The following KCNH8 variants were observed in gnomAD, a reference collection of about 807,000 sequenced individuals.
The protein encoded by KCNH8 is voltage-gated delayed rectifier potassium channel KCNH8.
In KCNH8, 70 loss-of-function variants were observed where a neutral mutation model predicts 103.6. The ratio of observed to expected loss-of-function variants is 0.68; its 90% confidence interval spans 0.56 to 0.82. The LOEUF is 0.82. Among genes scored for constraint, KCNH8 ranks in the 40% least tolerant of loss-of-function variants. The pLI is 0.00. For synonymous variants in KCNH8, 498 were observed against 489.4 expected, an observed-to-expected ratio of 1.02 and a Z score of -0.23; for missense variants, 1,217 against 1,329.9, an observed-to-expected ratio of 0.92 and a Z score of 1.32.
chr3:19,154,119 T>A (rs1421660785), intron 1 of KCNH8, among the ~76,000 whole-genome samples: 1 of 152,188 alleles, frequency 6.6e-6, no homozygotes, highest in Non-Finnish European at 1.5e-5. Context: ...TATGCACATT[T>A]GGGTGAGGGA....
chr3:19,507,829 C>T (rs2125238966), intron 11 of KCNH8, among the ~76,000 whole-genome samples: 1 of 152,276 alleles, frequency 6.6e-6, no homozygotes, highest in East Asian at 1.9e-4. Context: ...GCAAGGGCTG[C>T]AAGACAGCAA....
chr3:19,202,841 G>T lies in KCNH8; in HGVS notation c.77-50813G>T, dbSNP rs753545249. Among the ~76,000 whole-genome samples the T allele has an allele frequency of 2.0e-5, 3 of 152,092 alleles. 1 individual carries two copies. Among genetic ancestry groups the T allele is most frequent in the Non-Finnish European group, 4.4e-5 (3 of 68,022 alleles). On this transcript the variant is annotated intron_variant, in intron 1 of 15. Coordinates refer to ENST00000328405, the MANE Select transcript of KCNH8 (RefSeq NM_144633.3). The stretch of plus-strand genomic sequence containing the variant: ...ACTAAATTTATAGTTATTAAAAAAT[G>T]TTGATGATAACATGTAATGTGCACA...
At chr3:19,513,577 C>G (rs1162704542) in intron 13 of KCNH8, among the ~76,000 whole-genome samples, 1 of 152,092 alleles carries the variant, frequency 6.6e-6, no homozygotes, top group Non-Finnish European at 1.5e-5. Context: ...TCATTTTGCA[C>G]TACCTATTAT....
intron 1 of KCNH8, among the ~76,000 whole-genome samples, chr3:19,195,594 C>T (rs1055668971): frequency 1.3e-5 from 2 of 151,776 alleles, no homozygotes; most frequent in African/African-American, 4.8e-5. Context: ...GAATTTGGCC[C>T]TGTGTATAGG....
chr3:19,308,837 T>C (rs1025665780), intron 3 of KCNH8, among the ~76,000 whole-genome samples: 1 of 146,424 alleles, frequency 6.8e-6, no homozygotes, highest in African/African-American at 2.5e-5. Flanking sequence ...CCCTCCTCCT[T>C]CTCCCTCTTT....
In KCNH8 at chr3:19,381,106, G is replaced by C. The variant is rs374902853; in HGVS notation, c.812-9375G>C. Among the ~76,000 whole-genome samples the C allele has an allele frequency of 2.0e-5, 3 of 151,884 alleles. No homozygotes were observed. The East Asian group carries it at 5.8e-4, about 29-fold the overall frequency. On this transcript the variant is annotated intron_variant, in intron 5 of 15. Coordinates refer to ENST00000328405, the MANE Select transcript of KCNH8 (RefSeq NM_144633.3). ...AAGTCAAATATATTAGTTATGTTTTGAGTGTTCTTAAGAGTCCTTAAAAAT... is the reference window on the plus strand; with the variant it reads ...AAGTCAAATATATTAGTTATGTTTTCAGTGTTCTTAAGAGTCCTTAAAAAT...
At chr3:19,206,942 G>C (rs2063722873) in intron 1 of KCNH8, among the ~76,000 whole-genome samples, 1 of 152,036 alleles carries the variant, frequency 6.6e-6, no homozygotes, top group Admixed American at 6.6e-5. Context: ...GGAGACTGGA[G>C]GAAATCACGG....
At chr3:19,477,525 A>G (rs1234860109) in intron 11 of KCNH8, among the ~76,000 whole-genome samples, 2 of 151,930 alleles carry the variant, frequency 1.3e-5, no homozygotes, top group Admixed American at 6.6e-5. Context: ...CAGGCTCCAA[A>G]TGCTTTCTCT....
intron 1 of KCNH8, among the ~76,000 whole-genome samples, chr3:19,227,869 A>G (rs1431072953): frequency 3.3e-5 from 5 of 152,196 alleles, no homozygotes; most frequent in Non-Finnish European, 5.9e-5. Flanking sequence ...ATGCCTGTGA[A>G]AAGATGTTTC....
At chr3:19,532,201 C>T (rs149863304) in intron 15 of KCNH8, among the ~76,000 whole-genome samples, 2 of 152,148 alleles carry the variant, frequency 1.3e-5, no homozygotes, top group Admixed American at 6.5e-5. Context: ...AATGAAGACT[C>T]TTCAATGGTT....
chr3:19,347,583 T>C, intron 4 of KCNH8, 142 bp from the exon 5 acceptor site: 1 of 939,686 alleles, frequency 1.1e-6, no homozygotes, highest in Non-Finnish European at 1.6e-6. Flanking sequence ...ATGCTTTGCG[T>C]CACCAACTTT....
At chr3:19,216,853 C>T (rs1215382954) in intron 1 of KCNH8, among the ~76,000 whole-genome samples, 1 of 152,202 alleles carries the variant, frequency 6.6e-6, no homozygotes, top group African/African-American at 2.4e-5. Context: ...AGTATGGCAA[C>T]AGGCCAGATC....
At chr3:19,207,082 G>T (rs998282805) in intron 1 of KCNH8, among the ~76,000 whole-genome samples, 4 of 151,950 alleles carry the variant, frequency 2.6e-5, no homozygotes, top group African/African-American at 7.2e-5. Flanking sequence ...TTTGGGTGTT[G>T]TTAGTAAAAA....
chr3:19,415,012 T>A (rs1451422166), intron 7 of KCNH8, among the ~76,000 whole-genome samples: 3 of 152,034 alleles, frequency 2.0e-5, no homozygotes, highest in African/African-American at 7.2e-5. Flanking sequence ...ACTTGCTCCC[T>A]CTTTCTCTCC....
chr3:19,496,181 T>G (rs1291077854), intron 11 of KCNH8, among the ~76,000 whole-genome samples: 1 of 152,116 alleles, frequency 6.6e-6, no homozygotes, highest in Non-Finnish European at 1.5e-5. Flanking sequence ...TTGGATGCCT[T>G]TTATTTCTTT....
intron 2 of KCNH8, among the ~76,000 whole-genome samples, chr3:19,276,398 T>A (rs1467098622): frequency 6.6e-6 from 1 of 152,104 alleles, no homozygotes; most frequent in Non-Finnish European, 1.5e-5. Context: ...GGATATTATG[T>A]TATTGTTGCT....
rs2067230571 is a variant in KCNH8 at position 19,438,290 on chromosome 3, T to C, written c.1304T>C (p.Val435Ala). ...LYFTLSSLTS[V>A]GFGNVSANTD... The stretch of plus-strand genomic sequence containing the variant: ...TTCACGCTGAGCAGCCTCACCAGCG[T>C]GGGTTTTGGGAACGTCTCTGCTAAT... The change falls in exon 8 of 16, where the codon GTG becomes GCG. Residue 435 changes from valine (V) to alanine (A), a missense_variant. Val to Ala is a moderately conservative substitution (Grantham distance 64). Around this residue, in one of 3 missense-constraint regions of KCNH8, gnomAD observed 415 missense variants for 577.4 expected, o/e 0.72. Transcript: ENST00000328405. 6.2e-7 allele frequency: 1 copy of C among 1,613,906 alleles called. No individual in the cohort carries two copies. The highest frequency in any genetic ancestry group is 1.3e-5 in the African/African-American group (1 of 74,882).
intron 11 of KCNH8, among the ~76,000 whole-genome samples, chr3:19,494,717 T>G (rs2068399780): frequency 6.6e-6 from 1 of 151,932 alleles, no homozygotes; most frequent in Non-Finnish European, 1.5e-5. Context: ...GCTATATACC[T>G]GGTAATGGGA....
At position 19,450,311 on chromosome 3, in the gene KCNH8, G is replaced by A. The variant is rs1446586335; in HGVS notation, c.1575+6G>A. The A allele has an allele frequency of 6.2e-7, 1 of 1,600,792 alleles. No homozygotes were observed. Among genetic ancestry groups the A allele is most frequent in the Non-Finnish European group, 8.6e-7 (1 of 1,168,158 alleles). The stretch of plus-strand genomic sequence containing the variant: ...ATGGAATAGATTCAAATGAGGTAAT[G>A]TTCATTTCTCATGTTGTTTTCAGGC... On this transcript the variant is annotated splice_donor_region_variant and intron_variant, in intron 9 of 15. Coordinates refer to ENST00000328405, the MANE Select transcript of KCNH8 (RefSeq NM_144633.3).
Sources: allele counts gnomAD v4.1 joint callset (sites outside exome capture counted in the v4.1 genomes callset), GRCh38; gene constraint gnomAD v4.1.1; regional missense constraint gnomAD v4.1.1; transcripts MANE v1.5; gene names NCBI Gene and HGNC (gene_info 2026-07-23, HGNC 2026-07-21).